The following RPSA variants were observed in gnomAD, a reference collection of about 807,000 sequenced individuals.
The protein encoded by RPSA is ribosomal protein SA.
For missense variants in RPSA, 140 were observed against 372.8 expected (o/e 0.38, Z 5.14); for synonymous variants, 103 against 126.7 (o/e 0.81, Z 1.25).
intron 3 of RPSA, chr3:39,410,549 G>T (rs1187966083): frequency 1.5e-5 from 9 of 608,626 alleles, no homozygotes; most frequent in African/African-American, 7.4e-5. Context: ...AGGTGCTCGG[G>T]ATATATAGTA....
intron 6 of RPSA, 92 bp downstream of exon 6, chr3:39,412,153 CT>C: frequency 7.1e-7 from 1 of 1,416,264 alleles, no homozygotes; most frequent in Non-Finnish European, 1.0e-6. Flanking sequence ...TTTATACTAG[CT>C]TTAAGAGGTT....
chr3:39,411,514 T>C lies in RPSA; in HGVS notation c.499-135T>C, dbSNP rs976076043. On this transcript the variant is annotated intron_variant, in intron 4 of 6. Coordinates refer to ENST00000301821, the MANE Select transcript of RPSA (RefSeq NM_002295.6). ...CAAGGTTGAAAATCCCTATTTATAA[T>C]GCTCCCTGTTACAATTGCTTTTCAA... The C allele has an allele frequency of 1.1e-4, 97 of 877,696 alleles. No individual in the cohort carries two copies. The Admixed American group carries it at 1.3e-3, about 12-fold the overall frequency. The allele number at this position is 877,696 out of a possible 1,614,324, so 54.4% of individuals were successfully genotyped here.
At chr3:39,410,369 G>T in intron 3 of RPSA, 2 of 253,196 alleles carry the variant, frequency 7.9e-6, no homozygotes, top group Non-Finnish European at 1.6e-5. Flanking sequence ...GTTCCCATGT[G>T]TGTTTTTGCA....
chr3:39,411,494 T>C, intron 4 of RPSA, 155 bp from the exon 5 acceptor site: 1 of 771,172 alleles, frequency 1.3e-6, no homozygotes, highest in South Asian at 1.8e-5. Flanking sequence ...GCAGACAAGG[T>C]TGAAAATCCC....
chr3:39,406,743 G>A lies in RPSA; in HGVS notation c.-55G>A, dbSNP rs1256902630. 5.7e-5 allele frequency: 23 copies of A among 403,306 alleles called. No individual in the cohort carries two copies. Among genetic ancestry groups the A allele is most frequent in the South Asian group, 3.2e-4 (18 of 56,194 alleles). The allele number at this position is 403,306 out of a possible 1,614,324, so 25.0% of individuals were successfully genotyped here. ...GTCTTTTCCGTGCTACCTGCAGAGGGGTCCATACGGCGTTGTTCTGGGTGA... is the reference window on the plus strand; with the variant it reads ...GTCTTTTCCGTGCTACCTGCAGAGGAGTCCATACGGCGTTGTTCTGGGTGA... On this transcript the variant is annotated 5_prime_UTR_variant, in exon 1 of 7. Coordinates refer to ENST00000301821, the MANE Select transcript of RPSA (RefSeq NM_002295.6).
At chr3:39,410,547 G>A (rs1318417) in intron 3 of RPSA, 5 of 594,910 alleles carry the variant, frequency 8.4e-6, no homozygotes, top group Admixed American at 2.9e-5. Context: ...CTAGGTGCTC[G>A]GGATATATAG....
At chr3:39,411,103 C>G in intron 4 of RPSA, 104 bp downstream of exon 4, 1 of 1,429,822 alleles carries the variant, frequency 7.0e-7, no homozygotes. Flanking sequence ...GGCCGATGAA[C>G]TCGCAAGTGT....
At chr3:39,409,184 C>CTATTT (rs2041967300) in intron 3 of RPSA, among the ~76,000 whole-genome samples, 1 of 85,426 alleles carries the variant, frequency 1.2e-5, no homozygotes, top group Admixed American at 2.0e-4. Context: ...TATGACCTTC[C>CTATTT]TTTTTTTTTT....
At chr3:39,411,528 A>G (rs1428665739) in intron 4 of RPSA, 121 bp from the exon 5 acceptor site, 21 of 1,027,714 alleles carry the variant, frequency 2.0e-5, no homozygotes, top group Non-Finnish European at 1.7e-5. Context: ...CCCTGTTACA[A>G]TTGCTTTTCA....
chr3:39,407,980 C>A, intron 2 of RPSA, 194 bp downstream of exon 2: 1 of 558,724 alleles, frequency 1.8e-6, no homozygotes. Flanking sequence ...AGGAATATGT[C>A]AGTTGTCTGA....
chr3:39,410,987 A>C lies in RPSA; in HGVS notation c.486A>C (p.Pro162=), dbSNP rs779660704. The change falls in exon 4 of 7, where the codon CCA becomes CCC. Residue 162 remains proline, a synonymous_variant. Coordinates refer to ENST00000301821, the MANE Select transcript of RPSA (RefSeq NM_002295.6). ...SPLRYVDIAI[P]CNNKGAHSVG... ...TGCGCTATGTGGACATTGCCATCCC[A>C]TGCAACAACAAGGTAATGATTTTAG... The C allele has an allele frequency of 6.3e-7, 1 of 1,599,708 alleles. No individual in the cohort carries two copies. The highest frequency in any genetic ancestry group is 2.2e-5 in the East Asian group (1 of 44,884).
chr3:39,408,487 C>T (rs747150713), intron 2 of RPSA, 119 bp from the exon 3 acceptor site: 3 of 786,692 alleles, frequency 3.8e-6, no homozygotes, highest in East Asian at 2.4e-5. Flanking sequence ...TTCGCTAACA[C>T]CAGTAGAGCT....
chr3:39,408,019 A>G, intron 2 of RPSA: 6 of 495,770 alleles, frequency 1.2e-5, no homozygotes, highest in Non-Finnish European at 2.2e-5. Flanking sequence ...GGTCATGAAC[A>G]TGAGAAAGTT....
intron 4 of RPSA, 129 bp downstream of exon 4, chr3:39,411,128 A>T: frequency 8.3e-7 from 1 of 1,209,682 alleles, no homozygotes; most frequent in Non-Finnish European, 1.2e-6. Flanking sequence ...AGTGTGCTAC[A>T]TGAGGGGCAA....
intron 3 of RPSA, among the ~76,000 whole-genome samples, chr3:39,409,349 G>A (rs2041971208): frequency 6.6e-6 from 1 of 152,012 alleles, no homozygotes; most frequent in South Asian, 2.1e-4. Flanking sequence ...TTACAGGCAT[G>A]TGCCACCATG....
chr3:39,411,618 T>C (rs765247816), intron 4 of RPSA, 31 bp from the exon 5 acceptor site: 2 of 1,608,978 alleles, frequency 1.2e-6, no homozygotes, highest in East Asian at 4.5e-5. Context: ...TGACCAAGTG[T>C]CACTTTTTAA....
chr3:39,410,543 G>T, intron 3 of RPSA: 1 of 588,744 alleles, frequency 1.7e-6, no homozygotes, highest in South Asian at 2.0e-5. Context: ...GTTGCTAGGT[G>T]CTCGGGATAT....
At chr3:39,407,881 C>T (rs540871338) in intron 2 of RPSA, 95 bp downstream of exon 2, 5 of 962,326 alleles carry the variant, frequency 5.2e-6, no homozygotes, top group South Asian at 1.5e-5. Context: ...TTCTTTCTAT[C>T]TTCCTTAAAT....
intron 3 of RPSA, 97 bp downstream of exon 3, chr3:39,408,821 C>T (rs986156480): frequency 2.9e-5 from 24 of 825,684 alleles, no homozygotes; most frequent in East Asian, 4.9e-5. Flanking sequence ...TAACTCAGGC[C>T]GGGCGCGGTG....
Sources: allele counts gnomAD v4.1 joint callset (sites outside exome capture counted in the v4.1 genomes callset), GRCh38; gene constraint gnomAD v4.1.1; transcripts MANE v1.5; gene names NCBI Gene and HGNC (gene_info 2026-07-23, HGNC 2026-07-21).